The following BRIP1 variants were observed in gnomAD, a reference collection of about 807,000 sequenced individuals.
BRIP1 encodes the protein Fanconi anemia group J protein.
BRIP1 carries 88 observed loss-of-function variants against 119.7 expected under a neutral mutation model. The observed-to-expected ratio is 0.74, with a 90% CI of 0.62 to 0.88. The LOEUF (loss-of-function observed/expected upper bound fraction) is 0.88. BRIP1 is among the 40% of genes least tolerant of loss of function. BRIP1 has a pLI of 0.00. For synonymous variants in BRIP1, 443 were observed against 496.5 expected (o/e 0.89, Z 1.43); for missense variants, 1,259 against 1,455.4 (o/e 0.87, Z 2.20).
At position 61,753,228 on chromosome 17, in the gene BRIP1, G is replaced by A. The variant is rs1402685760; in HGVS notation, c.2098-8637C>T. On this transcript the variant is annotated intron_variant, in intron 14 of 19. Transcript: ENST00000259008. This position sits in a 1 kb window ranked among gnomAD's most constrained non-coding sequence, Gnocchi z 4.6. ...GCACCAGATGCAGCCTCTCAGTCTT[G>A]AACTTCTCAGCCTCTGTAACTGCAA... Among the ~76,000 whole-genome samples, 2 of 152,092 alleles carry A rather than the reference G, an allele frequency of 1.3e-5. No homozygotes were observed. Among genetic ancestry groups the A allele is most frequent in the Admixed American group, 1.3e-4 (2 of 15,270 alleles).
Position 61,684,109 on chromosome 17 carries a change from T to C in BRIP1, c.2937A>G (p.Lys979=), listed in dbSNP as rs75091137. 3.3e-4 allele frequency: 530 copies of C among 1,613,658 alleles called. 2 individuals carry two copies. The African/African-American group carries it at 6.1e-3, about 18-fold the overall frequency. The change falls in exon 20 of 20, where the codon AAA becomes AAG. Residue 979 remains lysine, a synonymous_variant. Transcript: ENST00000259008. The surrounding 1 kb of genome is among the most constrained non-coding windows in gnomAD (Gnocchi z 4.5). The part of the protein sequence containing the change: ...NDPVFLEEAG[K]AEKIVISRST... ...ATCTGGAAATCACAATTTTTTCTGC[T>C]TTCCCTGCTTCTTCCAGGAATACTG...
rs2076741518 is a variant in BRIP1 at position 61,724,582 on chromosome 17, T to C, written c.2380-8519A>G. 6.6e-6 allele frequency among the ~76,000 whole-genome samples: 1 copy of C among 152,156 alleles called. No individual in the cohort carries two copies. The highest frequency in any genetic ancestry group is 6.5e-5 in the Admixed American group (1 of 15,274). ...AGAACTATAAATGCATCTCTTCATT[T>C]TACTGCTGCTTCACATGAAAGATGG... On this transcript the variant is annotated intron_variant, in intron 16 of 19. Transcript: ENST00000259008. This position sits in a 1 kb window ranked among gnomAD's most constrained non-coding sequence, Gnocchi z 5.1.
At position 61,776,512 on chromosome 17, in the gene BRIP1, A is replaced by C; in HGVS notation, c.1986T>G (p.Ala662=). 1 of 1,614,190 alleles carries C rather than the reference A, an allele frequency of 6.2e-7. No individual in the cohort carries two copies. The highest frequency in any genetic ancestry group is 8.5e-7 in the Non-Finnish European group (1 of 1,180,016). ...CAAATGTTTCAGTATTCTGGAAGGT[A>C]GCACAGAGATTCCGACCCTTGGGGC... ...GSGPKGRNLC[A]TFQNTETFEF... Residue 662 remains alanine (A), a synonymous_variant, in exon 14 of 20, where the codon GCT becomes GCG. Transcript: ENST00000259008. This position sits in a 1 kb window ranked among gnomAD's most constrained non-coding sequence, Gnocchi z 5.0.
Position 61,847,141 on chromosome 17 carries a change from T to C in BRIP1, c.587A>G (p.Asn196Ser), listed in dbSNP as rs550707862. The change falls in exon 6 of 20, where the codon AAC becomes AGC. Residue 196 changes from asparagine to serine, a missense_variant. By Grantham distance (46) the Asn-to-Ser change is conservative. This residue lies in a region of BRIP1 where 501 missense variants were observed against 544.0 expected (regional missense o/e 0.92). Coordinates refer to ENST00000259008, the MANE Select transcript of BRIP1 (RefSeq NM_032043.3). ...KVDSGKTVKL[N>S]SPLEKINSFS... ...GGAGTTTATCTTTTCCAGTGGAGAG[T>C]TGAGTTTTACAGTCTTTCCTGAATC... 1.7e-4 allele frequency: 273 copies of C among 1,613,792 alleles called. 1 individual carries two copies. The East Asian group carries it at 4.9e-3, about 29-fold the overall frequency.
intron 6 of BRIP1, among the ~76,000 whole-genome samples, chr17:61,820,183 T>C (rs1423869667): frequency 6.6e-6 from 1 of 152,150 alleles, no homozygotes; most frequent in Non-Finnish European, 1.5e-5. Context: ...TAATTTACAG[T>C]TGAATTAAAG....
Position 61,806,910 on chromosome 17 carries a change from C to G in BRIP1, c.918+1557G>C, listed in dbSNP as rs1168035467. ...GATGTGTTTTGCCATGTTGGCCAGG[C>G]CAGTCTCGAACTCCTGACCTCAAGT... On this transcript the variant is annotated intron_variant, in intron 7 of 19. Transcript: ENST00000259008. This position sits in a 1 kb window ranked among gnomAD's most constrained non-coding sequence, Gnocchi z 4.9. Among the ~76,000 whole-genome samples the G allele has an allele frequency of 6.6e-6, 1 of 152,160 alleles. No homozygotes were observed. Among genetic ancestry groups the G allele is most frequent in the Non-Finnish European group, 1.5e-5 (1 of 68,020 alleles).
At chr17:61,792,856 A>T (rs1415409846) in intron 10 of BRIP1, among the ~76,000 whole-genome samples, 1 of 152,214 alleles carries the variant, frequency 6.6e-6, no homozygotes, top group Non-Finnish European at 1.5e-5. Context: ...ATGGTTCATC[A>T]ATTATAACAA....
Position 61,848,087 on chromosome 17 carries a change from A to G in BRIP1, c.508-867T>C, listed in dbSNP as rs1173734390. 1.3e-5 allele frequency among the ~76,000 whole-genome samples: 2 copies of G among 152,186 alleles called. No individual in the cohort carries two copies. Among genetic ancestry groups the G allele is most frequent in the Non-Finnish European group, 2.9e-5 (2 of 68,042 alleles). ...AAGTGGAACAGTTAAACTACATAAG[A>G]CTTCAAGAACCTTGAGTATACTCAA... On this transcript the variant is annotated intron_variant, in intron 5 of 19. Transcript: ENST00000259008. This position sits in a 1 kb window ranked among gnomAD's most constrained non-coding sequence, Gnocchi z 4.3.
Position 61,744,616 on chromosome 17 carries a change from AT to A in BRIP1, c.2098-26del, listed in dbSNP as rs771278319. 1.2e-5 allele frequency: 20 copies of A among 1,603,430 alleles called. No individual in the cohort carries two copies. Among genetic ancestry groups the A allele is most frequent in the African/African-American group, 2.7e-5 (2 of 74,640 alleles). On this transcript the variant is annotated intron_variant, in intron 14 of 19. Transcript: ENST00000259008. The surrounding 1 kb of genome is among the most constrained non-coding windows in gnomAD (Gnocchi z 5.0). ...ACTAAAGAGGGGAAAGAAAAAAATG[AT>A]TTTTTGTGTGTCTAGCTAAACAAAC... is the stretch of plus-strand genomic sequence containing the variant.
At position 61,793,874 on chromosome 17, in the gene BRIP1, C is replaced by A; in HGVS notation, c.1341-145G>T. 1 of 795,212 alleles carries A rather than the reference C, an allele frequency of 1.3e-6. No homozygotes were observed. Among genetic ancestry groups the A allele is most frequent in the Non-Finnish European group, 1.8e-6 (1 of 549,650 alleles). 49.3% of individuals were successfully genotyped at this position (795,212 alleles called of 1,614,324 possible). A position where few individuals can be genotyped will look rare whatever the true frequency, so the allele number is the denominator to read the frequency against. ...CATGAATGTGGATTAATTAAGACAC[C>A]TTTTAAAAAGCATTCATGTCTCATA... On this transcript the variant is annotated intron_variant, in intron 9 of 19. Transcript: ENST00000259008. The surrounding 1 kb of genome is among the most constrained non-coding windows in gnomAD (Gnocchi z 5.2).
At chr17:61,800,292 A>G (rs2077970245) in intron 8 of BRIP1, among the ~76,000 whole-genome samples, 1 of 152,200 alleles carries the variant, frequency 6.6e-6, no homozygotes, top group East Asian at 1.9e-4. Flanking sequence ...GTAAGAATAC[A>G]CAGACAGCTG....
chr17:61,689,932 G>A lies in BRIP1; in HGVS notation c.2575+3498C>T, dbSNP rs1208768152. ...GAGGTGGGAGGATCACTTGAGCCTG[G>A]GAGGCTGAGGCTGCAGTGAGTCATG... On this transcript the variant is annotated intron_variant, in intron 18 of 19. Coordinates refer to ENST00000259008, the MANE Select transcript of BRIP1 (RefSeq NM_032043.3). This position sits in a 1 kb window ranked among gnomAD's most constrained non-coding sequence, Gnocchi z 4.5. Among the ~76,000 whole-genome samples, 1 of 152,180 alleles carries A rather than the reference G, an allele frequency of 6.6e-6. No individual in the cohort carries two copies. The highest frequency in any genetic ancestry group is 1.9e-4 in the East Asian group (1 of 5,192).
rs1186666833 is a variant in BRIP1, at chr17:61,738,601, G to T, written c.2379+4412C>A. ...CATGACAGACTGAGATATTGTCTAGGAAGAATTTATCCTGAGGAAAAAAAG... is the reference window on the plus strand; with the variant it reads ...CATGACAGACTGAGATATTGTCTAGTAAGAATTTATCCTGAGGAAAAAAAG... On this transcript the variant is annotated intron_variant, in intron 16 of 19. Coordinates refer to ENST00000259008, the MANE Select transcript of BRIP1 (RefSeq NM_032043.3). This position sits in a 1 kb window ranked among gnomAD's most constrained non-coding sequence, Gnocchi z 4.2. Among the ~76,000 whole-genome samples the T allele has an allele frequency of 6.6e-6, 1 of 152,058 alleles. No individual in the cohort carries two copies. Among genetic ancestry groups the T allele is most frequent in the Non-Finnish European group, 1.5e-5 (1 of 68,010 alleles).
rs553532968 is a variant in BRIP1 at position 61,735,690 on chromosome 17, A to G, written c.2379+7323T>C. Among the ~76,000 whole-genome samples, 1 of 151,788 alleles carries G rather than the reference A, an allele frequency of 6.6e-6. No homozygotes were observed. Among genetic ancestry groups the G allele is most frequent in the South Asian group, 2.1e-4 (1 of 4,796 alleles). On this transcript the variant is annotated intron_variant, in intron 16 of 19. Transcript: ENST00000259008. This position sits in a 1 kb window ranked among gnomAD's most constrained non-coding sequence, Gnocchi z 4.4. ...GTGGCGTGTGGCTGTAGTGCCAGCT[A>G]CCCAGGAGGCTGAGGTGGGAGGATC...
chr17:61,849,938 T>A (rs1430723637), intron 4 of BRIP1, among the ~76,000 whole-genome samples: 1 of 152,178 alleles, frequency 6.6e-6, no homozygotes, highest in Non-Finnish European at 1.5e-5. Flanking sequence ...CACATTTTCT[T>A]CTTCCTTAAT....
chr17:61,831,327 T>C lies in BRIP1; in HGVS notation c.627+15774A>G, dbSNP rs74939371. Among the ~76,000 whole-genome samples, 808 of 152,270 alleles carry C rather than the reference T, an allele frequency of 5.3e-3. 5 individuals carry two copies. Among genetic ancestry groups the C allele is most frequent in the African/African-American group, 0.018 (764 of 41,542 alleles). On this transcript the variant is annotated intron_variant, in intron 6 of 19. Transcript: ENST00000259008. The surrounding 1 kb of genome is among the most constrained non-coding windows in gnomAD (Gnocchi z 4.1). ...TTACTAGAGAATGAAACATGCAACT[T>C]TGGGTACTTAGAAAGTCCTAAAGAA...
chr17:61,849,676 T>C (rs2078789368), intron 4 of BRIP1, among the ~76,000 whole-genome samples: 1 of 152,232 alleles, frequency 6.6e-6, no homozygotes, highest in Non-Finnish European at 1.5e-5. Context: ...ATATAATCTG[T>C]CTTTTAATCC....
intron 17 of BRIP1, among the ~76,000 whole-genome samples, chr17:61,698,955 G>C (rs1029113679): frequency 1.3e-5 from 2 of 152,044 alleles, no homozygotes; most frequent in African/African-American, 4.8e-5. Context: ...AAGCTCAAGC[G>C]ATCTGCCCAC....
At chr17:61,714,713 G>A (rs143569481) in intron 17 of BRIP1, among the ~76,000 whole-genome samples, 81 of 152,082 alleles carry the variant, frequency 5.3e-4, no homozygotes, top group African/African-American at 1.6e-3. Flanking sequence ...TTTAGAAGTC[G>A]GAGTATCATG....
Sources: gnomAD v4.1 joint callset for allele counts (sites outside exome capture counted in the v4.1 genomes callset) on GRCh38, gnomAD v4.1.1 for gene constraint, gnomAD v4.1.1 regional missense constraint, Gnocchi (gnomAD v3.1) non-coding constraint, MANE v1.5 for transcripts, NCBI Gene and HGNC (gene_info 2026-07-23, HGNC 2026-07-21) for gene names.